DLGAP4: variants seen among roughly 807,000 people sequenced by gnomAD.
DLGAP4 encodes DLG associated protein 4.
DLGAP4 carries 18 observed loss-of-function variants against 86.9 expected under a neutral mutation model. That is an observed-to-expected ratio of 0.21 (90% CI 0.14 to 0.31). The LOEUF is 0.31. Among genes scored for constraint, DLGAP4 ranks in the 10% least tolerant of loss-of-function variants. DLGAP4 has a pLI of 1.00. For missense variants in DLGAP4, 1,085 were observed against 1,362.6 expected, an observed-to-expected ratio of 0.80 and a Z score of 3.21; for synonymous variants, 548 against 574.3, an observed-to-expected ratio of 0.95 and a Z score of 0.65.
chr20:36,382,537 T>TC (rs2031439668), intron 2 of DLGAP4, among the ~76,000 whole-genome samples: 1 of 140,744 alleles, frequency 7.1e-6, no homozygotes, highest in Non-Finnish European at 1.6e-5. Flanking sequence ...CTTTTTTTTT[T>TC]TTTTTTTTTT....
At chr20:36,475,479 G>C (rs1160646359) in intron 7 of DLGAP4, among the ~76,000 whole-genome samples, 1 of 152,142 alleles carries the variant, frequency 6.6e-6, no homozygotes, top group Non-Finnish European at 1.5e-5. Context: ...AAAGTGCTGG[G>C]ATTACAGGCG....
In DLGAP4 at chr20:36,496,971, C is replaced by G. The variant is rs368088847; in HGVS notation, c.1915C>G (p.His639Asp). 3 of 1,614,092 alleles carry G rather than the reference C, an allele frequency of 1.9e-6. No individual in the cohort carries two copies. Among genetic ancestry groups the G allele is most frequent in the African/African-American group, 2.7e-5 (2 of 74,932 alleles). ...TGAGGCCCCAGAGCCACCCCCAAAA[C>G]ATGCAGCTCTGAAAAGTGAACAAGG... ...APEAPEPPPK[H>D]AALKSEQGTL... is the part of the protein sequence containing the mutation. Residue 639 changes from histidine (H) to aspartate (D), a missense_variant, in exon 8 of 13, where the codon CAT becomes GAT. Physicochemically the swap from His to Asp is moderately conservative, Grantham distance 81. Transcript: ENST00000339266.
chr20:36,482,002 T>G (rs1178359351), intron 7 of DLGAP4, among the ~76,000 whole-genome samples: 1 of 152,130 alleles, frequency 6.6e-6, no homozygotes, highest in Non-Finnish European at 1.5e-5. Context: ...ATCCCTCTGT[T>G]TTTCTGTGTC....
chr20:36,434,631 C>G (rs1240819249), intron 3 of DLGAP4, among the ~76,000 whole-genome samples: 1 of 152,130 alleles, frequency 6.6e-6, no homozygotes, highest in African/African-American at 2.4e-5. Flanking sequence ...TCCCAAGGGA[C>G]AGTGGGGATA....
intron 4 of DLGAP4, among the ~76,000 whole-genome samples, chr20:36,438,782 C>G (rs1016579895): frequency 4.3e-5 from 6 of 139,378 alleles, no homozygotes; most frequent in Non-Finnish European, 9.1e-5. Flanking sequence ...AAACTTGGTT[C>G]ACTGTAACCT....
chr20:36,364,207 T>C (rs535185560), intron 1 of DLGAP4, among the ~76,000 whole-genome samples: 1 of 152,020 alleles, frequency 6.6e-6, no homozygotes, highest in Non-Finnish European at 1.5e-5. Context: ...GGCCAGGAGT[T>C]CAAGAGCAGC....
rs2065034773 is a variant in DLGAP4 at position 36,309,560 on chromosome 20, C to T, written c.-304+3048C>T. Among the ~76,000 whole-genome samples the T allele has an allele frequency of 3.3e-5, 5 of 152,330 alleles. No individual in the cohort carries two copies. The South Asian group carries it at 8.3e-4, about 25-fold the overall frequency. ...GCCAGGATCTGTGGGAGTTACAGGC[C>T]TGTAGCCCCTAAAGTCCCAGCAGGT... On this transcript the variant is annotated intron_variant, in intron 1 of 12. Transcript: ENST00000339266.
At chr20:36,449,841 A>C (rs924004487) in intron 7 of DLGAP4, among the ~76,000 whole-genome samples, 2 of 152,188 alleles carry the variant, frequency 1.3e-5, no homozygotes, top group Non-Finnish European at 2.9e-5. Flanking sequence ...TGCATAACAA[A>C]CAACCACAAA....
intron 1 of DLGAP4, among the ~76,000 whole-genome samples, chr20:36,356,377 T>A (rs1555893846): frequency 6.6e-6 from 1 of 152,182 alleles, no homozygotes; most frequent in Non-Finnish European, 1.5e-5. Flanking sequence ...AATGGTGCGA[T>A]CTTGGCTCAC....
At chr20:36,438,585 CCTCA>C (rs1201134497) in intron 4 of DLGAP4, among the ~76,000 whole-genome samples, 5 of 150,800 alleles carry the variant, frequency 3.3e-5, no homozygotes, top group Admixed American at 6.6e-5. Flanking sequence ...AAAGATGGGG[CCTCA>C]CTATGTTGCC....
intron 8 of DLGAP4, chr20:36,499,142 C>G: frequency 8.2e-7 from 1 of 1,216,538 alleles, no homozygotes; most frequent in Non-Finnish European, 1.2e-6. Flanking sequence ...CAGCCGCCAG[C>G]TTCAACTACA....
chr20:36,392,783 A>G (rs1158938817), intron 2 of DLGAP4, among the ~76,000 whole-genome samples: 7 of 152,236 alleles, frequency 4.6e-5, no homozygotes, highest in Non-Finnish European at 1.0e-4. Context: ...CCCAACCTCA[A>G]CTTTCCTGAG....
chr20:36,508,126 C>T (rs557681571), intron 10 of DLGAP4: 8 of 152,318 alleles, frequency 5.3e-5, no homozygotes, highest in Admixed American at 2.0e-4. Flanking sequence ...CAAGGCGGGG[C>T]TTCAGGTTGA....
At chr20:36,464,636 G>GGTCA (rs2034258325) in intron 7 of DLGAP4, among the ~76,000 whole-genome samples, 1 of 151,992 alleles carries the variant, frequency 6.6e-6, no homozygotes, top group African/African-American at 2.4e-5. Context: ...GATCACTGGA[G>GGTCA]GTCAGGGGTT....
rs531374653 is a variant in DLGAP4 at position 36,528,508 on chromosome 20, C to T, written c.*1477C>T. 2.0e-5 allele frequency: 3 copies of T among 152,650 alleles called. No homozygotes were observed. Among genetic ancestry groups the T allele is most frequent in the East Asian group, 1.9e-4 (1 of 5,152 alleles). 9.5% of individuals were successfully genotyped at this position (152,650 alleles called of 1,614,324 possible). On this transcript the variant is annotated 3_prime_UTR_variant, in exon 13 of 13. Transcript: ENST00000339266. ...CGGGGCCCATTTCCAGCTTGGCCGC[C>T]GTCTGTGACCTTGGGCAAGTCACTT... is the stretch of plus-strand genomic sequence containing the variant.
At chr20:36,319,481 C>A (rs2065144586) in intron 1 of DLGAP4, among the ~76,000 whole-genome samples, 2 of 152,124 alleles carry the variant, frequency 1.3e-5, no homozygotes, top group South Asian at 2.1e-4. Context: ...ACCCGCACAC[C>A]CCCCGGAACC....
intron 7 of DLGAP4, among the ~76,000 whole-genome samples, chr20:36,483,455 G>T (rs749359922): frequency 1.4e-4 from 21 of 152,196 alleles, no homozygotes; most frequent in Admixed American, 3.9e-4. Context: ...CAGATCCTCA[G>T]CTCATGCATT....
chr20:36,505,905 G>A (rs896808700), intron 10 of DLGAP4, among the ~76,000 whole-genome samples: 2 of 152,136 alleles, frequency 1.3e-5, no homozygotes, highest in African/African-American at 2.4e-5. Context: ...GGGAAGAGGA[G>A]GAATGTTGGT....
intron 1 of DLGAP4, among the ~76,000 whole-genome samples, chr20:36,320,624 G>A (rs1555890448): frequency 6.6e-6 from 1 of 152,144 alleles, no homozygotes; most frequent in East Asian, 1.9e-4. Context: ...TGCATCCACT[G>A]TACTTGTCAG....
Sources: gnomAD v4.1 joint callset for allele counts (sites outside exome capture counted in the v4.1 genomes callset) on GRCh38, gnomAD v4.1.1 for gene constraint, MANE v1.5 for transcripts, NCBI Gene and HGNC (gene_info 2026-07-23, HGNC 2026-07-21) for gene names.